RUFY1: variants seen among roughly 807,000 people sequenced by gnomAD.
The protein encoded by RUFY1 is RUN and FYVE domain-containing protein 1.
In RUFY1, 54 loss-of-function variants were observed where a neutral mutation model predicts 94.6. The observed-to-expected ratio is 0.57, with a 90% CI of 0.46 to 0.72. The LOEUF (loss-of-function observed/expected upper bound fraction) is 0.72, where lower values mean the gene tolerates loss of function less well. RUFY1 is among the 30% of genes least tolerant of loss of function. The pLI is 0.00. For missense variants in RUFY1, 883 were observed against 883.9 expected, an observed-to-expected ratio of 1.00 and a Z score of 0.01; for synonymous variants, 396 against 347.3, an observed-to-expected ratio of 1.14 and a Z score of -1.56.
intron 1 of RUFY1, among the ~76,000 whole-genome samples, chr5:179,559,501 A>G (rs538494987): frequency 6.6e-6 from 1 of 152,316 alleles, no homozygotes; most frequent in African/African-American, 2.4e-5. Context: ...AAGGCTGGAA[A>G]AGCCTTCTGG....
chr5:179,579,746 C>T (rs186574512), intron 6 of RUFY1, among the ~76,000 whole-genome samples: 75 of 139,398 alleles, frequency 5.4e-4, no homozygotes, highest in African/African-American at 1.9e-3. Context: ...TCACTGCAAC[C>T]TCTGCCTCCC....
At chr5:179,587,115 G>T (rs1305381615) in intron 8 of RUFY1, among the ~76,000 whole-genome samples, 1 of 152,042 alleles carries the variant, frequency 6.6e-6, no homozygotes, top group Non-Finnish European at 1.5e-5. Flanking sequence ...GTGCAGTGGC[G>T]CAGTCATAGC....
At chr5:179,604,908 C>T (rs1766887755) in intron 15 of RUFY1, among the ~76,000 whole-genome samples, 1 of 150,176 alleles carries the variant, frequency 6.7e-6, no homozygotes, top group African/African-American at 2.5e-5. Flanking sequence ...TGCTTGAGCC[C>T]AGGAAGCAGA....
In RUFY1 at chr5:179,550,806, G is replaced by A. The variant is rs1476200679; in HGVS notation, c.237G>A (p.Ala79=). The change falls in exon 1 of 18, where the codon GCG becomes GCA. Residue 79 remains alanine, a synonymous_variant. Coordinates refer to ENST00000319449, the MANE Select transcript of RUFY1 (RefSeq NM_025158.5). ...GCAGGGCCACCGGGAACCTGTCGGC[G>A]AGCTGCGGGAGCGCGCTGCGCGCGG... The part of the protein sequence containing the change: ...LARRATGNLS[A]SCGSALRAAA... 2.3e-6 allele frequency: 3 copies of A among 1,302,382 alleles called. No homozygotes were observed. The highest frequency in any genetic ancestry group is 2.9e-6 in the Non-Finnish European group (3 of 1,026,440). 80.7% of individuals were successfully genotyped at this position (1,302,382 alleles called of 1,614,324 possible).
chr5:179,592,419 G>C (rs1302643414), intron 10 of RUFY1, among the ~76,000 whole-genome samples: 3 of 151,884 alleles, frequency 2.0e-5, no homozygotes, highest in African/African-American at 4.8e-5. Context: ...TGCCCGGCCA[G>C]TTTTTTGTAT....
rs1011363696 is a variant in RUFY1 at position 179,589,677 on chromosome 5, T to C, written c.1128+30T>C. ...GAAATTGACCTACATTTGGGCAGCA[T>C]GTTTCTCACTCAGACACACCTATTG... On this transcript the variant is annotated intron_variant, in intron 9 of 17. Transcript: ENST00000319449. The C allele has an allele frequency of 2.7e-6, 4 of 1,468,304 alleles. No individual in the cohort carries two copies. The African/African-American group carries it at 5.6e-5, about 20-fold the overall frequency. 91.0% of individuals were successfully genotyped at this position (1,468,304 alleles called of 1,614,324 possible). A position where few individuals can be genotyped will look rare whatever the true frequency, so the allele number is the denominator to read the frequency against.
chr5:179,562,484 GT>G, intron 2 of RUFY1, 62 bp from the exon 3 acceptor site: 1 of 893,154 alleles, frequency 1.1e-6, no homozygotes, highest in Admixed American at 1.8e-5. Context: ...GGGAGAGGCT[GT>G]GGGTCCCTGA....
chr5:179,573,866 A>G (rs1243717293), intron 5 of RUFY1, among the ~76,000 whole-genome samples: 1 of 152,098 alleles, frequency 6.6e-6, no homozygotes, highest in Non-Finnish European at 1.5e-5. Context: ...GTTGTCAGAT[A>G]CTTTTTTTGG....
rs573512966 is a variant in RUFY1, at chr5:179,557,831, C to T, written c.311-2194C>T. Among the ~76,000 whole-genome samples the T allele has an allele frequency of 9.9e-5, 15 of 152,172 alleles. No individual in the cohort carries two copies. In the South Asian group the frequency reaches 1.2e-3, roughly 13 times the overall value. ...CCAAGCTTAACTGAATACCATAAAG[C>T]AGTAAAAGGCTGGTCTTCATGTTTT... On this transcript the variant is annotated intron_variant, in intron 1 of 17. Coordinates refer to ENST00000319449, the MANE Select transcript of RUFY1 (RefSeq NM_025158.5).
chr5:179,609,634 C>A lies in RUFY1; in HGVS notation c.*115C>A. On this transcript the variant is annotated 3_prime_UTR_variant, in exon 18 of 18. Transcript: ENST00000319449. ...TCAAAGGAAAGAATCAAATTTCTTG[C>A]CCGGTCACTGGCACTCCAGAAGACA... is the stretch of plus-strand genomic sequence containing the variant. 8.9e-7 allele frequency: 1 copy of A among 1,118,772 alleles called. No individual in the cohort carries two copies. The highest frequency in any genetic ancestry group is 1.2e-6 in the Non-Finnish European group (1 of 817,612). The allele number at this position is 1,118,772 out of a possible 1,614,324, so 69.3% of individuals were successfully genotyped here.
At chr5:179,559,864 G>C in intron 1 of RUFY1, 161 bp from the exon 2 acceptor site, 1 of 1,418,194 alleles carries the variant, frequency 7.1e-7, no homozygotes. Flanking sequence ...TAGGGATCAG[G>C]GACTACTTAC....
chr5:179,561,008 G>A (rs1473634149), intron 2 of RUFY1, among the ~76,000 whole-genome samples: 2 of 151,934 alleles, frequency 1.3e-5, no homozygotes, highest in African/African-American at 2.4e-5. Flanking sequence ...CTCAGGAGCT[G>A]GAGACCACCC....
intron 6 of RUFY1, among the ~76,000 whole-genome samples, chr5:179,580,035 A>T (rs1042892384): frequency 6.6e-6 from 1 of 152,044 alleles, no homozygotes; most frequent in Non-Finnish European, 1.5e-5. Flanking sequence ...GAAATAATTG[A>T]ATTAATTATG....
intron 8 of RUFY1, chr5:179,586,246 G>A (rs755459434): frequency 3.8e-5 from 17 of 448,874 alleles, no homozygotes; most frequent in Non-Finnish European, 6.3e-5. Flanking sequence ...TAAGGAATAA[G>A]TATCCAGCCC....
intron 1 of RUFY1, among the ~76,000 whole-genome samples, chr5:179,551,454 C>CGT (rs1761847594): frequency 6.6e-6 from 1 of 152,242 alleles, no homozygotes; most frequent in Non-Finnish European, 1.5e-5. Context: ...TCCAATACAA[C>CGT]AGCACGCATA....
intron 5 of RUFY1, among the ~76,000 whole-genome samples, chr5:179,573,561 C>T (rs532529502): frequency 2.0e-5 from 3 of 151,772 alleles, no homozygotes; most frequent in East Asian, 2.0e-4. Context: ...CTTACTCTGT[C>T]GCCCAGGTTG....
intron 15 of RUFY1, among the ~76,000 whole-genome samples, chr5:179,604,814 T>C (rs1766873615): frequency 6.6e-6 from 1 of 151,388 alleles, no homozygotes; most frequent in Non-Finnish European, 1.5e-5. Flanking sequence ...AAACCCCATC[T>C]CTAGTAAAAG....
intron 3 of RUFY1, among the ~76,000 whole-genome samples, chr5:179,565,890 C>T (rs1762794296): frequency 6.6e-6 from 1 of 152,062 alleles, no homozygotes; most frequent in Admixed American, 6.6e-5. Flanking sequence ...GCCTATAATC[C>T]CAACACTTTG....
At chr5:179,596,222 T>A (rs1765624274) in intron 12 of RUFY1, 1 of 361,366 alleles carries the variant, frequency 2.8e-6, no homozygotes, top group African/African-American at 2.2e-5. Flanking sequence ...GAACCATTGA[T>A]ACACATGGAA....
Sources: allele counts gnomAD v4.1 joint callset (sites outside exome capture counted in the v4.1 genomes callset), GRCh38; gene constraint gnomAD v4.1.1; transcripts MANE v1.5; gene names NCBI Gene and HGNC (gene_info 2026-07-23, HGNC 2026-07-21).